NHS: variants seen among roughly 807,000 people sequenced by gnomAD.
NHS encodes the protein actin remodeling regulator NHS.
Under a neutral mutation model 72.5 loss-of-function variants are expected in NHS, and 5 were observed. The observed-to-expected ratio is 0.07, with a 90% confidence interval of 0.04 to 0.14. The LOEUF (loss-of-function observed/expected upper bound fraction) is 0.14, where lower values mean the gene tolerates loss of function less well. Ranked by LOEUF, NHS falls within the 10% of genes least tolerant of loss-of-function variation. The pLI is 1.00. For missense variants in NHS, 1,072 were observed against 1,355.7 expected (o/e 0.79, Z 3.29); for synonymous variants, 464 against 547.7 (o/e 0.85, Z 2.13).
intron 1 of NHS, among the ~76,000 whole-genome samples, chrX:17,609,402 G>C (rs2065697559): frequency 9.0e-6 from 1 of 111,604 alleles, no homozygotes; most frequent in Non-Finnish European, 1.9e-5. Context: ...TCTAGGCAGA[G>C]GGAACAATGT....
Position 17,725,441 on chromosome X carries a change from G to T in NHS, c.1335G>T (p.Arg445Ser). 1.7e-6 allele frequency: 2 copies of T among 1,211,035 alleles called. No individual in the cohort carries two copies. Among genetic ancestry groups the T allele is most frequent in the Non-Finnish European group, 2.2e-6 (2 of 895,155 alleles). The change falls in exon 7 of 9, where the codon AGG becomes AGT. Residue 445 changes from arginine to serine, a missense_variant. By Grantham distance (110) the Arg-to-Ser change is moderately radical. Coordinates refer to ENST00000676302, the MANE Select transcript of NHS (RefSeq NM_001291867.2). ...SNTVNRISGT[R>S]DSECQTEDIL... The stretch of plus-strand genomic sequence containing the variant: ...CTGTCAATAGGATATCCGGAACCAG[G>T]GACTCTGAGTGCCAAACCGAGGATA...
At chrX:17,656,584 C>G (rs1039983081) in intron 1 of NHS, among the ~76,000 whole-genome samples, 1 of 112,515 alleles carries the variant, frequency 8.9e-6, no homozygotes, top group Non-Finnish European at 1.9e-5. Flanking sequence ...CCAGGTGGAC[C>G]GCGCATAGCT....
intron 1 of NHS, among the ~76,000 whole-genome samples, chrX:17,615,249 C>CGT (rs1569294290): frequency 1.1e-5 from 1 of 94,721 alleles, no homozygotes; most frequent in African/African-American, 4.3e-5. Context: ...TATATATATA[C>CGT]ACATATATAC....
intron 1 of NHS, among the ~76,000 whole-genome samples, chrX:17,403,287 C>T (rs1601690303): frequency 8.9e-6 from 1 of 112,120 alleles, no homozygotes; most frequent in African/African-American, 3.2e-5. Flanking sequence ...GAGAGATTGG[C>T]ACATACAGTC....
intron 1 of NHS, among the ~76,000 whole-genome samples, chrX:17,404,169 C>A (rs1267615442): frequency 8.9e-6 from 1 of 111,746 alleles, no homozygotes; most frequent in African/African-American, 3.3e-5. Context: ...AATAGTATAG[C>A]CTCTTGCTTT....
At chrX:17,386,863 G>C (rs1270246861) in intron 1 of NHS, among the ~76,000 whole-genome samples, 1 of 110,766 alleles carries the variant, frequency 9.0e-6, no homozygotes, top group African/African-American at 3.3e-5. Context: ...AATTTCACAA[G>C]AGTCTCCCAT....
intron 1 of NHS, among the ~76,000 whole-genome samples, chrX:17,419,188 A>G (rs1184456079): frequency 1.1e-4 from 12 of 112,857 alleles, no homozygotes; most frequent in Non-Finnish European, 2.1e-4. Context: ...AATCTGAAGG[A>G]CATGGTACTG....
chrX:17,692,197 T>C (rs1418181108), intron 2 of NHS, 138 bp from the exon 3 acceptor site: 4 of 744,271 alleles, frequency 5.4e-6, no homozygotes, highest in Non-Finnish European at 8.1e-6. Flanking sequence ...GAAAATCTTA[T>C]TTGGTATTCA....
At chrX:17,731,473 A>C (rs2066486683) in intron 8 of NHS, among the ~76,000 whole-genome samples, 1 of 110,128 alleles carries the variant, frequency 9.1e-6, no homozygotes, top group South Asian at 3.9e-4. Flanking sequence ...CCTGACCTCA[A>C]GTGATCTGCC....
At chrX:17,668,918 C>T (rs1386629439) in intron 1 of NHS, among the ~76,000 whole-genome samples, 2 of 111,613 alleles carry the variant, frequency 1.8e-5, no homozygotes, top group East Asian at 2.8e-4. Context: ...TGCTCCAGTG[C>T]GTGCCCTGTG....
At chrX:17,711,082 A>G (rs946048930) in intron 3 of NHS, among the ~76,000 whole-genome samples, 10 of 112,390 alleles carry the variant, frequency 8.9e-5, no homozygotes, top group Non-Finnish European at 1.9e-4. Flanking sequence ...TGTTTGTAGC[A>G]GTTCAAAGAT....
chrX:17,533,042 A>G (rs889608887), intron 1 of NHS, among the ~76,000 whole-genome samples: 3 of 111,837 alleles, frequency 2.7e-5, no homozygotes, highest in African/African-American at 9.8e-5. Flanking sequence ...CCAAAGACCT[A>G]CGTGGATTTT....
chrX:17,462,011 A>T (rs886986851), intron 1 of NHS, among the ~76,000 whole-genome samples: 1 of 111,365 alleles, frequency 9.0e-6, no homozygotes, highest in African/African-American at 3.3e-5. Flanking sequence ...GTCCAAAGCA[A>T]GTCACATGGT....
At position 17,389,236 on chromosome X, in the gene NHS, T is replaced by C. The variant is rs73458410; in HGVS notation, c.565+12914T>C. 2.1e-3 allele frequency among the ~76,000 whole-genome samples: 230 copies of C among 112,181 alleles called. 2 individuals are homozygous for C. Among genetic ancestry groups the C allele is most frequent in the African/African-American group, 7.3e-3 (225 of 30,853 alleles). Reference sequence around the variant, plus strand: ...TACAACCCTATTAAGATAGAGAACATTCTCCTCACACCAGGCAGGTAATAC... The same window carrying C: ...TACAACCCTATTAAGATAGAGAACACTCTCCTCACACCAGGCAGGTAATAC... On this transcript the variant is annotated intron_variant, in intron 1 of 8. Transcript: ENST00000676302.
chrX:17,553,937 G>C (rs769441939), intron 1 of NHS, among the ~76,000 whole-genome samples: 2 of 112,006 alleles, frequency 1.8e-5, no homozygotes, highest in Admixed American at 1.9e-4. Context: ...CAGAACTTCT[G>C]TGTGCCACCT....
chrX:17,725,492 G>A lies in NHS; in HGVS notation c.1386G>A (p.Arg462=), dbSNP rs750752504. 1.2e-4 allele frequency: 146 copies of A among 1,209,523 alleles called. No individual in the cohort carries two copies. Among genetic ancestry groups the A allele is most frequent in the Non-Finnish European group, 1.6e-4 (141 of 895,183 alleles). ...TTCTGATTGCTGCCCCATCCAGAAGGAGAATCAGAGCTCAAAGGGGTCAAA... is the reference window on the plus strand; with the variant it reads ...TTCTGATTGCTGCCCCATCCAGAAGAAGAATCAGAGCTCAAAGGGGTCAAA... ...EDILIAAPSR[R]RIRAQRGQSI... The change falls in exon 7 of 9, where the codon AGG becomes AGA. Residue 462 remains arginine (R), a synonymous_variant. Transcript: ENST00000676302.
intron 1 of NHS, among the ~76,000 whole-genome samples, chrX:17,384,545 A>G (rs111993228): frequency 0.029 from 3,283 of 112,252 alleles, 121 homozygotes; most frequent in African/African-American, 0.1. Flanking sequence ...TATTACTAAG[A>G]TGATAATGAT....
intron 1 of NHS, among the ~76,000 whole-genome samples, chrX:17,595,732 T>C (rs1385929461): frequency 8.9e-6 from 1 of 112,271 alleles, no homozygotes; most frequent in Non-Finnish European, 1.9e-5. Context: ...CCTTTAGACT[T>C]TATGGATTAG....
chrX:17,659,219 T>C (rs1381888858), intron 1 of NHS, among the ~76,000 whole-genome samples: 2 of 112,162 alleles, frequency 1.8e-5, no homozygotes, highest in Admixed American at 1.9e-4. Flanking sequence ...GGAAATCTAG[T>C]CTGTGTGCAG....
Sources: gnomAD v4.1 joint callset for allele counts (sites outside exome capture counted in the v4.1 genomes callset) on GRCh38, gnomAD v4.1.1 for gene constraint, MANE v1.5 for transcripts, NCBI Gene and HGNC (gene_info 2026-07-23, HGNC 2026-07-21) for gene names.